KLF7: variants seen among roughly 807,000 people sequenced by gnomAD.
The protein encoded by KLF7 is KLF transcription factor 7.
A neutral mutation model predicts 27.3 loss-of-function variants in KLF7; 2 were observed. The observed-to-expected ratio is 0.07, with a 90% CI of 0.03 to 0.23. KLF7 has a LOEUF of 0.23. Among genes scored for constraint, KLF7 ranks in the 10% least tolerant of loss-of-function variants. The pLI, the probability that KLF7 is intolerant of heterozygous loss-of-function variation, is 1.00. For synonymous variants in KLF7, 165 were observed against 162.4 expected (o/e 1.02, Z -0.12); for missense variants, 221 against 394.1 (o/e 0.56, Z 3.72).
At chr2:207,121,505 T>C (rs2077339602) in intron 2 of KLF7, 1 of 152,234 alleles carries the variant, frequency 6.6e-6, no homozygotes, top group South Asian at 2.1e-4. Flanking sequence ...GTCTCTACTT[T>C]AGAAATGAGG....
chr2:207,131,780 G>T (rs1301132973), intron 1 of KLF7, among the ~76,000 whole-genome samples: 3 of 152,164 alleles, frequency 2.0e-5, no homozygotes, highest in Non-Finnish European at 1.5e-5. Context: ...TGGGAAGCAT[G>T]GCCAGGGAGA....
chr2:207,081,158 T>C lies in KLF7; in HGVS notation c.*55A>G. On this transcript the variant is annotated 3_prime_UTR_variant, in exon 4 of 4. Coordinates refer to ENST00000309446, the MANE Select transcript of KLF7 (RefSeq NM_003709.4). ...GCCTGAAGTCCAGCCCCCTGCCTCA[T>C]GGCGTTTCCTTTAGACACTAGCCGA... is the stretch of plus-strand genomic sequence containing the variant. 6.5e-7 allele frequency: 1 copy of C among 1,530,352 alleles called. No homozygotes were observed. Among genetic ancestry groups the C allele is most frequent in the East Asian group, 2.2e-5 (1 of 44,506 alleles). 94.8% of individuals were successfully genotyped at this position (1,530,352 alleles called of 1,614,324 possible). A position where few individuals can be genotyped will look rare whatever the true frequency, so the allele number is the denominator to read the frequency against.
chr2:207,115,574 C>T (rs972062104), intron 2 of KLF7, among the ~76,000 whole-genome samples: 1 of 152,102 alleles, frequency 6.6e-6, no homozygotes, highest in Non-Finnish European at 1.5e-5. Flanking sequence ...GTGATCTTGC[C>T]TCGACCAACA....
In KLF7 at chr2:207,123,715, C is replaced by A. The variant is rs974826306; in HGVS notation, c.733+59G>T. On this transcript the variant is annotated intron_variant, in intron 2 of 3. Coordinates refer to ENST00000309446, the MANE Select transcript of KLF7 (RefSeq NM_003709.4). ...CTCAGAACAAAGAGGAGCCCTCCCA[C>A]ATGACGAGGCTACAGGAGGGGAAAG... The A allele has an allele frequency of 2.6e-6, 4 of 1,542,770 alleles. No individual in the cohort carries two copies. The African/African-American group carries it at 5.5e-5, about 21-fold the overall frequency.
intron 3 of KLF7, among the ~76,000 whole-genome samples, chr2:207,087,786 G>C (rs1005800942): frequency 6.6e-6 from 1 of 152,174 alleles, no homozygotes; most frequent in East Asian, 1.9e-4. Context: ...GATAATGCCA[G>C]GGCTGTCAGA....
Position 207,081,295 on chromosome 2 carries a change from G to A in KLF7, c.858-31C>T, listed in dbSNP as rs1469238926. On this transcript the variant is annotated intron_variant, in intron 3 of 3. Transcript: ENST00000309446. ...AGATATAAACAACAAGGATATTAGA[G>A]AACTCCCAGCAAACAGCTTGACTTG... 4 of 1,576,494 alleles carry A rather than the reference G, an allele frequency of 2.5e-6. No homozygotes were observed. In the Admixed American group the frequency reaches 6.7e-5, roughly 26 times the overall value.
intron 1 of KLF7, among the ~76,000 whole-genome samples, chr2:207,139,710 T>C (rs148325075): frequency 3.3e-5 from 5 of 152,296 alleles, no homozygotes; most frequent in East Asian, 3.9e-4. Context: ...CTGGGGCAAA[T>C]AGTCTTGGTT....
At chr2:207,154,123 C>T (rs2078317597) in intron 1 of KLF7, among the ~76,000 whole-genome samples, 1 of 152,068 alleles carries the variant, frequency 6.6e-6, no homozygotes, top group South Asian at 2.1e-4. Context: ...GTGAGTGCTT[C>T]CATTATGTCT....
chr2:207,132,637 C>T (rs954710861), intron 1 of KLF7, among the ~76,000 whole-genome samples: 1 of 152,182 alleles, frequency 6.6e-6, no homozygotes, highest in Non-Finnish European at 1.5e-5. Flanking sequence ...GCCTCAAATA[C>T]CCCTTTCATC....
chr2:207,099,069 G>C (rs1436024235), intron 2 of KLF7, among the ~76,000 whole-genome samples: 2 of 152,112 alleles, frequency 1.3e-5, no homozygotes, highest in Non-Finnish European at 2.9e-5. Context: ...ATACCCTGTA[G>C]AAGTAAACCA....
intron 1 of KLF7, among the ~76,000 whole-genome samples, chr2:207,160,530 G>C (rs2078516195): frequency 6.6e-6 from 1 of 152,204 alleles, no homozygotes; most frequent in Admixed American, 6.5e-5. Flanking sequence ...ACCCCGTCTG[G>C]AATCAGACCA....
intron 1 of KLF7, among the ~76,000 whole-genome samples, chr2:207,165,162 A>AG (rs1198184943): frequency 6.6e-6 from 1 of 151,968 alleles, no homozygotes; most frequent in African/African-American, 2.4e-5. Context: ...CGAACCCCAG[A>AG]AGTTCGGCAG....
chr2:207,159,871 C>G (rs762539323), intron 1 of KLF7, among the ~76,000 whole-genome samples: 1 of 152,020 alleles, frequency 6.6e-6, no homozygotes. Context: ...AGGGTCACAC[C>G]AAATACCCCG....
chr2:207,128,611 A>T (rs529354554), intron 1 of KLF7, among the ~76,000 whole-genome samples: 4 of 152,254 alleles, frequency 2.6e-5, no homozygotes, highest in Non-Finnish European at 5.9e-5. Context: ...AAACCACCTT[A>T]GCCATATGAT....
At chr2:207,172,135 G>A (rs937654590), upstream of KLF7, among the ~76,000 whole-genome samples, 1 of 152,048 alleles carries the variant, frequency 6.6e-6, no homozygotes, top group African/African-American at 2.4e-5. Context: ...TTTCTCTCCT[G>A]AAACAGATCA....
rs1174000007 is a variant in KLF7, at chr2:207,076,392, G to GT, written c.*4820dup. ...GTGATGGCCCAGGATTTCTCTCTCT[G>GT]TTTTTGACACCTGTTTCCCGAGGAC... On this transcript the variant is annotated 3_prime_UTR_variant, in exon 4 of 4. Coordinates refer to ENST00000309446, the MANE Select transcript of KLF7 (RefSeq NM_003709.4). 1 of 152,026 alleles carries GT rather than the reference G, an allele frequency of 6.6e-6. No individual in the cohort carries two copies. The highest frequency in any genetic ancestry group is 2.4e-5 in the African/African-American group (1 of 41,400). 9.4% of individuals were successfully genotyped at this position (152,026 alleles called of 1,614,324 possible). A position where few individuals can be genotyped will look rare whatever the true frequency, so the allele number is the denominator to read the frequency against.
At chr2:207,130,802 G>A (rs1019616489) in intron 1 of KLF7, among the ~76,000 whole-genome samples, 1 of 152,316 alleles carries the variant, frequency 6.6e-6, no homozygotes, top group South Asian at 2.1e-4. Context: ...GCCACTTTGG[G>A]TAATTATTGG....
intron 1 of KLF7, among the ~76,000 whole-genome samples, chr2:207,145,295 C>T (rs1313971255): frequency 6.6e-6 from 1 of 152,058 alleles, no homozygotes; most frequent in African/African-American, 2.4e-5. Context: ...CATTTTTTTC[C>T]AATGGAAGAA....
At chr2:207,107,356 T>C (rs2076907601) in intron 2 of KLF7, among the ~76,000 whole-genome samples, 1 of 152,146 alleles carries the variant, frequency 6.6e-6, no homozygotes, top group Non-Finnish European at 1.5e-5. Flanking sequence ...GACACAGCAG[T>C]TCCCCCACCC....
Sources: allele counts gnomAD v4.1 joint callset (sites outside exome capture counted in the v4.1 genomes callset), GRCh38; gene constraint gnomAD v4.1.1; transcripts MANE v1.5; gene names NCBI Gene and HGNC (gene_info 2026-07-23, HGNC 2026-07-21).